Variants in STXBP6 observed in about 807,000 individuals in gnomAD.
STXBP6 encodes syntaxin binding protein 6.
Under a neutral mutation model 26.9 loss-of-function variants are expected in STXBP6, and 21 were observed. The observed-to-expected ratio is 0.78, with a 90% CI of 0.55 to 1.12. The LOEUF (loss-of-function observed/expected upper bound fraction) is 1.12, where lower values mean the gene tolerates loss of function less well. STXBP6 is among the 50% of genes most tolerant of loss of function. STXBP6 has a pLI of 0.00. For missense variants in STXBP6, 232 were observed against 257.9 expected (o/e 0.90, Z 0.69); for synonymous variants, 97 against 92.6 (o/e 1.05, Z -0.27).
chr14:25,025,933 CT>C, intron 1 of STXBP6, among the ~76,000 whole-genome samples: 1 of 152,198 alleles, frequency 6.6e-6, no homozygotes, highest in Non-Finnish European at 1.5e-5. Context: ...GGCTCCCCAA[CT>C]GCCCTTTCCA....
rs551449285 is a variant in STXBP6, at chr14:24,974,489, G to A, written c.154+176C>T. On this transcript the variant is annotated intron_variant, in intron 2 of 5. Coordinates refer to ENST00000323944, the MANE Select transcript of STXBP6 (RefSeq NM_001394410.1). ...GAACTTCACTACCTTTCCAATACGC[G>A]GCAACCTCAAAAACAAGGTGTCACC... Among the ~76,000 whole-genome samples, 5 of 152,194 alleles carry A rather than the reference G, an allele frequency of 3.3e-5. No individual in the cohort carries two copies. The South Asian group carries it at 8.3e-4, about 25-fold the overall frequency.
intron 1 of STXBP6, among the ~76,000 whole-genome samples, chr14:24,985,530 T>C (rs1458602070): frequency 6.6e-6 from 1 of 152,230 alleles, no homozygotes; most frequent in Non-Finnish European, 1.5e-5. Flanking sequence ...AAAGCACAAC[T>C]TGGACCCTCC....
At chr14:24,981,704 G>C (rs751887161) in intron 1 of STXBP6, among the ~76,000 whole-genome samples, 8 of 152,094 alleles carry the variant, frequency 5.3e-5, no homozygotes, top group Non-Finnish European at 1.2e-4. Flanking sequence ...TCTACCATTA[G>C]AAAAAATGGT....
chr14:24,835,468 T>G (rs2068583957), intron 4 of STXBP6, among the ~76,000 whole-genome samples: 1 of 152,178 alleles, frequency 6.6e-6, no homozygotes, highest in African/African-American at 2.4e-5. Flanking sequence ...TCAATGACAT[T>G]GTTTTTGTAT....
chr14:25,022,544 T>C (rs1265860083), intron 1 of STXBP6, among the ~76,000 whole-genome samples: 1 of 152,166 alleles, frequency 6.6e-6, no homozygotes, highest in East Asian at 1.9e-4. Flanking sequence ...GGACAGAGAA[T>C]TTCTCAAAAG....
chr14:24,884,787 G>A (rs1001543329), intron 2 of STXBP6, among the ~76,000 whole-genome samples: 5 of 151,984 alleles, frequency 3.3e-5, no homozygotes, highest in African/African-American at 1.2e-4. Flanking sequence ...TATGAATCCT[G>A]TTTTTATATA....
chr14:25,035,806 C>T (rs181029024), intron 1 of STXBP6, among the ~76,000 whole-genome samples: 177 of 152,214 alleles, frequency 1.2e-3, no homozygotes, highest in African/African-American at 3.9e-3. Flanking sequence ...CAGTAAAAAC[C>T]AAGACTGTGC....
At chr14:24,947,221 A>C (rs544637702) in intron 2 of STXBP6, among the ~76,000 whole-genome samples, 2 of 61,934 alleles carry the variant, frequency 3.2e-5, no homozygotes, top group East Asian at 8.4e-4. Context: ...AAGGGAAAGC[A>C]AAATAATTCA....
At chr14:24,841,846 T>TA (rs551964238) in intron 4 of STXBP6, among the ~76,000 whole-genome samples, 2 of 152,208 alleles carry the variant, frequency 1.3e-5, no homozygotes, top group Non-Finnish European at 2.9e-5. Flanking sequence ...TAAATGTACT[T>TA]AAAGTCATTA....
At chr14:25,041,326 AATAC>A (rs1566581177) in intron 1 of STXBP6, among the ~76,000 whole-genome samples, 1 of 152,130 alleles carries the variant, frequency 6.6e-6, no homozygotes, top group African/African-American at 2.4e-5. Context: ...CAAATAAATA[AATAC>A]ATAAATAAAT....
chr14:25,042,466 G>A (rs753173812), intron 1 of STXBP6, among the ~76,000 whole-genome samples: 5 of 152,204 alleles, frequency 3.3e-5, no homozygotes, highest in Non-Finnish European at 7.3e-5. Flanking sequence ...GGCAGGAGAA[G>A]GTCAATAGCA....
intron 2 of STXBP6, among the ~76,000 whole-genome samples, chr14:24,926,274 A>G (rs1230295568): frequency 6.6e-6 from 1 of 152,214 alleles, no homozygotes; most frequent in African/African-American, 2.4e-5. Flanking sequence ...AATTGCAAGT[A>G]GGTGGTAAAA....
chr14:24,877,129 G>T (rs2070173201), intron 2 of STXBP6, among the ~76,000 whole-genome samples: 1 of 152,112 alleles, frequency 6.6e-6, no homozygotes, highest in South Asian at 2.1e-4. Context: ...ACAAAACAAA[G>T]AACATCTGTG....
At chr14:24,992,773 C>T (rs1278589948) in intron 1 of STXBP6, among the ~76,000 whole-genome samples, 2 of 152,180 alleles carry the variant, frequency 1.3e-5, no homozygotes, top group African/African-American at 4.8e-5. Context: ...AGCACAGCAT[C>T]CCAGCCCTAT....
intron 1 of STXBP6, among the ~76,000 whole-genome samples, chr14:25,043,806 T>C (rs2075680370): frequency 6.6e-6 from 1 of 152,206 alleles, no homozygotes; most frequent in African/African-American, 2.4e-5. Context: ...TAGTTTTCCT[T>C]GCATGGATGT....
intron 2 of STXBP6, among the ~76,000 whole-genome samples, chr14:24,901,258 G>A (rs951817786): frequency 6.6e-6 from 1 of 151,150 alleles, no homozygotes; most frequent in African/African-American, 2.4e-5. Context: ...CAAATCTAGT[G>A]ATTTACGATC....
At chr14:25,011,719 T>C (rs946689830) in intron 1 of STXBP6, among the ~76,000 whole-genome samples, 1 of 152,146 alleles carries the variant, frequency 6.6e-6, no homozygotes, top group African/African-American at 2.4e-5. Flanking sequence ...GCTTTTAAAA[T>C]TGCAGCATGT....
intron 2 of STXBP6, among the ~76,000 whole-genome samples, chr14:24,897,095 T>C (rs1353864110): frequency 1.3e-5 from 2 of 151,920 alleles, no homozygotes; most frequent in Non-Finnish European, 2.9e-5. Context: ...ATTTCCAAAA[T>C]CCAAAAAGTG....
At chr14:24,820,482 T>C (rs762879264) in intron 4 of STXBP6, among the ~76,000 whole-genome samples, 2 of 152,160 alleles carry the variant, frequency 1.3e-5, no homozygotes, top group Non-Finnish European at 2.9e-5. Context: ...TGTTACTCAG[T>C]TGCATCAAGC....
Sources: gnomAD v4.1 joint callset for allele counts (sites outside exome capture counted in the v4.1 genomes callset) on GRCh38, gnomAD v4.1.1 for gene constraint, MANE v1.5 for transcripts, NCBI Gene and HGNC (gene_info 2026-07-23, HGNC 2026-07-21) for gene names.